The following SNX32 variants were observed in gnomAD, a reference collection of about 807,000 sequenced individuals.
SNX32 encodes sorting nexin 32, also known as sorting nexin-32.
Under a neutral mutation model 57.0 loss-of-function variants are expected in SNX32, and 58 were observed. That is an observed-to-expected ratio of 1.02 (90% confidence interval 0.82 to 1.27). The LOEUF (loss-of-function observed/expected upper bound fraction) is 1.27. Ranked by LOEUF, SNX32 falls within the 50% of genes most tolerant of loss-of-function variation. The pLI, the probability that SNX32 is intolerant of heterozygous loss-of-function variation, is 0.00. For missense variants in SNX32, 589 were observed against 541.2 expected (o/e 1.09, Z -0.88); for synonymous variants, 262 against 220.4 (o/e 1.19, Z -1.67).
In SNX32 at chr11:65,851,256, T is replaced by C. The variant is rs575462505; in HGVS notation, c.710-72T>C. 1.6e-3 allele frequency: 2,535 copies of C among 1,605,570 alleles called. 4 individuals carry two copies. The highest frequency in any genetic ancestry group is 2.7e-3 in the Admixed American group (160 of 59,998). ...AAGAGAGCAGGGCGTGCCTTGTTGT[T>C]TGTCTGTGGCCACAAGCACCAAGGC... On this transcript the variant is annotated intron_variant, in intron 7 of 12. Coordinates refer to ENST00000308342, the MANE Select transcript of SNX32 (RefSeq NM_152760.3).
At chr11:65,849,151 C>CA (rs915939109) in intron 1 of SNX32, among the ~76,000 whole-genome samples, 4 of 152,140 alleles carry the variant, frequency 2.6e-5, no homozygotes, top group Non-Finnish European at 5.9e-5. Flanking sequence ...AAAAAACAAA[C>CA]AAAGAAACAA....
At chr11:65,842,949 C>CAAAAAAAAAAAAAA (rs922615169) in intron 1 of SNX32, among the ~76,000 whole-genome samples, 2 of 41,242 alleles carry the variant, frequency 4.8e-5, no homozygotes. Context: ...AACTCCATCT[C>CAAAAAAAAAAAAAA]AAAAAAAAAA....
chr11:65,850,624 G>T, intron 5 of SNX32, 70 bp downstream of exon 5: 1 of 1,560,390 alleles, frequency 6.4e-7, no homozygotes, highest in Non-Finnish European at 8.7e-7. Flanking sequence ...GGCACCCAGG[G>T]GTGGCAGGGC....
chr11:65,853,536 T>C lies in SNX32; in HGVS notation c.*201T>C, dbSNP rs1286655690. The stretch of plus-strand genomic sequence containing the variant: ...AGGCCCTGCAAGACACAGGGCAGCA[T>C]GGGCATCATAACTGGCCACAGTCAG... On this transcript the variant is annotated 3_prime_UTR_variant, in exon 13 of 13. Coordinates refer to ENST00000308342, the MANE Select transcript of SNX32 (RefSeq NM_152760.3). 8 of 609,898 alleles carry C rather than the reference T, an allele frequency of 1.3e-5. No individual in the cohort carries two copies. The highest frequency in any genetic ancestry group is 2.0e-5 in the Non-Finnish European group (7 of 344,012). 37.8% of individuals were successfully genotyped at this position (609,898 alleles called of 1,614,324 possible). A position where few individuals can be genotyped will look rare whatever the true frequency, so the allele number is the denominator to read the frequency against.
Position 65,850,029 on chromosome 11 carries a change from T to A in SNX32, c.251T>A (p.Ile84Asn), listed in dbSNP as rs1462836584. The change falls in exon 3 of 13, where the codon ATC becomes AAC. Residue 84 changes from isoleucine to asparagine, a missense_variant and splice_region_variant. By Grantham distance (149) the Ile-to-Asn change is moderately radical. Coordinates refer to ENST00000308342, the MANE Select transcript of SNX32 (RefSeq NM_152760.3). ...GAGAATGAGGAGTACGCCGGCCTCA[T>A]CGTGAGGAGGGGCTGGGCAGGGGCT... ...YVENEEYAGL[I>N]IPPAPPRPDF... 1 of 1,614,076 alleles carries A rather than the reference T, an allele frequency of 6.2e-7. No individual in the cohort carries two copies. The highest frequency in any genetic ancestry group is 1.1e-5 in the South Asian group (1 of 91,082).
chr11:65,842,778 C>T (rs1322349831), intron 1 of SNX32, among the ~76,000 whole-genome samples: 1 of 151,032 alleles, frequency 6.6e-6, no homozygotes, highest in East Asian at 2.0e-4. Context: ...AGTGAAACCC[C>T]GTCTCTACTA....
chr11:65,833,982 A>G lies in SNX32; in HGVS notation c.-84A>G. On this transcript the variant is annotated 5_prime_UTR_variant, in exon 1 of 13. Transcript: ENST00000308342. ...GTCCCCGTCAGCTGAGAGCATCCTC[A>G]CTCGGTCAGTTCCTCGGGCGAGTTA... is the stretch of plus-strand genomic sequence containing the variant. 1 of 1,473,236 alleles carries G rather than the reference A, an allele frequency of 6.8e-7. No individual in the cohort carries two copies. Among genetic ancestry groups the G allele is most frequent in the Non-Finnish European group, 9.2e-7 (1 of 1,083,782 alleles). The allele number at this position is 1,473,236 out of a possible 1,614,324, so 91.3% of individuals were successfully genotyped here.
chr11:65,839,215 A>ATTTTTTTTTT (rs1555032605), intron 1 of SNX32, among the ~76,000 whole-genome samples: 24 of 19,526 alleles, frequency 1.2e-3, no homozygotes, highest in South Asian at 2.3e-3. Flanking sequence ...CGCCCAGCTA[A>ATTTTTTTTTT]TTTTTTTGTA....
intron 4 of SNX32, 65 bp from the exon 5 acceptor site, chr11:65,850,366 C>T (rs1859137898): frequency 1.2e-6 from 2 of 1,612,282 alleles, no homozygotes; most frequent in Admixed American, 3.3e-5. Context: ...CCTCTGACCC[C>T]AGAAAGGGGG....
Position 65,853,480 on chromosome 11 carries a change from C to CA in SNX32, c.*148dup. 1 of 803,222 alleles carries CA rather than the reference C, an allele frequency of 1.2e-6. No homozygotes were observed. The highest frequency in any genetic ancestry group is 2.0e-6 in the Non-Finnish European group (1 of 488,772). The allele number at this position is 803,222 out of a possible 1,614,324, so 49.8% of individuals were successfully genotyped here. A position where few individuals can be genotyped will look rare whatever the true frequency, so the allele number is the denominator to read the frequency against. ...GCCCCACATCCTCTCAGGGAAAGCCCAAACCCCCTATCACCACCACCACAG... is the reference window on the plus strand; with the variant it reads ...GCCCCACATCCTCTCAGGGAAAGCCCAAAACCCCCTATCACCACCACCACAG... On this transcript the variant is annotated 3_prime_UTR_variant, in exon 13 of 13. Coordinates refer to ENST00000308342, the MANE Select transcript of SNX32 (RefSeq NM_152760.3).
Position 65,850,565 on chromosome 11 carries a change from C to A in SNX32, c.498+11C>A, listed in dbSNP as rs1859148515. 6.3e-6 allele frequency: 10 copies of A among 1,597,678 alleles called. No individual in the cohort carries two copies. Among genetic ancestry groups the A allele is most frequent in the African/African-American group, 5.4e-5 (4 of 74,568 alleles). On this transcript the variant is annotated intron_variant, in intron 5 of 12. Transcript: ENST00000308342. ...GAATATGGACAGGATGTGAGCTGGG[C>A]CGAATCCCTGGGGTCACCCTTGGGC...
At position 65,850,497 on chromosome 11, in the gene SNX32, C is replaced by T. The variant is rs1395702221; in HGVS notation, c.441C>T (p.Ala147=). 3 of 1,614,042 alleles carry T rather than the reference C, an allele frequency of 1.9e-6. No homozygotes were observed. The highest frequency in any genetic ancestry group is 2.5e-6 in the Non-Finnish European group (3 of 1,179,946). ...MHEVFLQRLA[A]HPTLRRDHNF... ...AAGTCTTTCTGCAGCGCCTGGCGGC[C>T]CACCCCACCCTGCGTCGAGACCACA... The change falls in exon 5 of 13, where the codon GCC becomes GCT. Residue 147 remains alanine, a synonymous_variant. Coordinates refer to ENST00000308342, the MANE Select transcript of SNX32 (RefSeq NM_152760.3).
At chr11:65,851,471 C>T (rs1859194309) in intron 8 of SNX32, 68 bp downstream of exon 8, 8 of 1,569,826 alleles carry the variant, frequency 5.1e-6, no homozygotes, top group Non-Finnish European at 6.1e-6. Flanking sequence ...TGAGGGGTCA[C>T]TCTGTAGATG....
At chr11:65,834,491 T>C (rs1274087571) in intron 1 of SNX32, among the ~76,000 whole-genome samples, 1 of 149,884 alleles carries the variant, frequency 6.7e-6, no homozygotes, top group Non-Finnish European at 1.5e-5. Flanking sequence ...TGCGTCCATG[T>C]GGGTGTTTGT....
At chr11:65,848,273 G>A (rs1157586041) in intron 1 of SNX32, among the ~76,000 whole-genome samples, 1 of 152,122 alleles carries the variant, frequency 6.6e-6, no homozygotes, top group Non-Finnish European at 1.5e-5. Flanking sequence ...AATATCACTT[G>A]GCACTATGGT....
At position 65,853,268 on chromosome 11, in the gene SNX32, T is replaced by C; in HGVS notation, c.1159-14T>C. The stretch of plus-strand genomic sequence containing the variant: ...GGGAGCAGGGGACTTCAAGGACCTG[T>C]TTCTCCTCTGCAGGCCAGCACCCTG... On this transcript the variant is annotated splice_polypyrimidine_tract_variant and intron_variant, in intron 12 of 12. Coordinates refer to ENST00000308342, the MANE Select transcript of SNX32 (RefSeq NM_152760.3). 1.2e-6 allele frequency: 2 copies of C among 1,613,970 alleles called. No individual in the cohort carries two copies. Among genetic ancestry groups the C allele is most frequent in the South Asian group, 1.1e-5 (1 of 91,082 alleles).
intron 1 of SNX32, 117 bp from the exon 2 acceptor site, chr11:65,849,361 G>A: frequency 1.3e-6 from 1 of 744,204 alleles, no homozygotes; most frequent in Non-Finnish European, 2.3e-6. Context: ...GTGACCTGGG[G>A]CATTGCTGAA....
intron 1 of SNX32, among the ~76,000 whole-genome samples, chr11:65,843,968 T>G (rs1376004631): frequency 6.6e-6 from 1 of 152,162 alleles, no homozygotes; most frequent in African/African-American, 2.4e-5. Context: ...AAAATGCCGC[T>G]CAACATCATT....
At chr11:65,851,735 G>A (rs537640502) in intron 9 of SNX32, 56 bp downstream of exon 9, 4 of 1,583,036 alleles carry the variant, frequency 2.5e-6, no homozygotes, top group Non-Finnish European at 3.5e-6. Flanking sequence ...CAGGGAAGAT[G>A]AGTCCTGGCA....
Sources: gnomAD v4.1 joint callset for allele counts (sites outside exome capture counted in the v4.1 genomes callset) on GRCh38, gnomAD v4.1.1 for gene constraint, MANE v1.5 for transcripts, NCBI Gene and HGNC (gene_info 2026-07-23, HGNC 2026-07-21) for gene names.